The following NTNG1 variants were observed in gnomAD, a reference collection of about 807,000 sequenced individuals.
The protein encoded by NTNG1 is netrin G1.
Under a neutral mutation model 54.0 loss-of-function variants are expected in NTNG1, and 16 were observed. The observed-to-expected ratio is 0.30, with a 90% CI of 0.20 to 0.45. The LOEUF (loss-of-function observed/expected upper bound fraction) is 0.45. NTNG1 is among the 20% of genes least tolerant of loss of function. The pLI, the probability that NTNG1 is intolerant of heterozygous loss-of-function variation, is 1.00. For synonymous variants in NTNG1, 255 were observed against 263.1 expected (o/e 0.97, Z 0.30); for missense variants, 530 against 678.7 (o/e 0.78, Z 2.43).
At chr1:107,377,823 T>TA (rs1570805546) in intron 3 of NTNG1, among the ~76,000 whole-genome samples, 1 of 152,368 alleles carries the variant, frequency 6.6e-6, no homozygotes, top group East Asian at 1.9e-4. Context: ...CTTACGTCAC[T>TA]AACCAGAAAG....
chr1:107,373,112 A>T (rs1671026803), intron 3 of NTNG1, among the ~76,000 whole-genome samples: 1 of 152,040 alleles, frequency 6.6e-6, no homozygotes, highest in African/African-American at 2.4e-5. Flanking sequence ...CTTAAAGGTA[A>T]TATCTTGCTA....
chr1:107,326,779 T>A (rs997937140), intron 3 of NTNG1, among the ~76,000 whole-genome samples: 1 of 151,382 alleles, frequency 6.6e-6, no homozygotes, highest in Non-Finnish European at 1.5e-5. Context: ...TTCTGAAGCA[T>A]TTTGGTTGGG....
intron 3 of NTNG1, among the ~76,000 whole-genome samples, chr1:107,389,693 T>C (rs559475248): frequency 3.3e-5 from 5 of 152,308 alleles, no homozygotes; most frequent in East Asian, 3.9e-4. Context: ...TGCACACAAG[T>C]AGATGTTCAA....
intron 2 of NTNG1, among the ~76,000 whole-genome samples, chr1:107,266,018 A>T (rs963711899): frequency 5.9e-5 from 9 of 152,098 alleles, no homozygotes; most frequent in Non-Finnish European, 1.0e-4. Context: ...CTTTCTTTGC[A>T]TTTTTTGGGC....
At chr1:107,372,231 G>A (rs1346470303) in intron 3 of NTNG1, among the ~76,000 whole-genome samples, 1 of 151,724 alleles carries the variant, frequency 6.6e-6, no homozygotes, top group African/African-American at 2.4e-5. Context: ...TTCTTAATAT[G>A]CTTTTCGTTT....
At chr1:107,169,852 T>C (rs1229281455) in intron 2 of NTNG1, among the ~76,000 whole-genome samples, 1 of 152,168 alleles carries the variant, frequency 6.6e-6, no homozygotes, top group African/African-American at 2.4e-5. Flanking sequence ...TTTATGCTAT[T>C]GTGGAGGCTG....
chr1:107,408,147 C>G (rs528035783), intron 5 of NTNG1: 3 of 253,342 alleles, frequency 1.2e-5, no homozygotes, highest in Admixed American at 5.1e-5. Context: ...CATCAGAACC[C>G]AAGAAAAAGT....
At chr1:107,275,541 C>T (rs1043702276) in intron 2 of NTNG1, among the ~76,000 whole-genome samples, 7 of 152,162 alleles carry the variant, frequency 4.6e-5, no homozygotes, top group African/African-American at 1.4e-4. Context: ...AGCTGAGAAC[C>T]AGGAGAGCTG....
intron 2 of NTNG1, among the ~76,000 whole-genome samples, chr1:107,175,213 G>A (rs193049285): frequency 3.7e-4 from 57 of 152,228 alleles, no homozygotes; most frequent in Middle Eastern, 6.8e-3. Context: ...AGTGCAATCA[G>A]AATGTGAGGG....
intron 2 of NTNG1, among the ~76,000 whole-genome samples, chr1:107,189,749 C>T (rs1362815824): frequency 6.6e-6 from 1 of 150,726 alleles, no homozygotes; most frequent in Non-Finnish European, 1.5e-5. Flanking sequence ...CTAAACACAT[C>T]TAAAAACAGA....
rs538346729 is a variant in NTNG1 at position 107,454,513 on chromosome 1, G to T, written c.1390+17714G>T. Among the ~76,000 whole-genome samples, 62 of 151,890 alleles carry T rather than the reference G, an allele frequency of 4.1e-4. 1 individual carries two copies. In the South Asian group the frequency reaches 0.012, roughly 30 times the overall value. On this transcript the variant is annotated intron_variant, in intron 7 of 7. Transcript: ENST00000370068. ...CTTTCATTCCAAGGATGCAAATGAT[G>T]CAATTCAAGCCAAATATCCTGTGTC...
At chr1:107,327,893 G>A (rs1668058489) in intron 3 of NTNG1, among the ~76,000 whole-genome samples, 1 of 152,012 alleles carries the variant, frequency 6.6e-6, no homozygotes, top group Non-Finnish European at 1.5e-5. Flanking sequence ...CCGTTTCTTT[G>A]TGCATATGTT....
intron 2 of NTNG1, among the ~76,000 whole-genome samples, chr1:107,194,424 T>C (rs1280893655): frequency 1.3e-5 from 2 of 152,042 alleles, no homozygotes; most frequent in African/African-American, 2.4e-5. Context: ...TCTCCTCTTT[T>C]CTCCTAAAAT....
At chr1:107,444,307 G>A (rs971884188) in intron 7 of NTNG1, among the ~76,000 whole-genome samples, 2 of 152,108 alleles carry the variant, frequency 1.3e-5, no homozygotes, top group Non-Finnish European at 1.5e-5. Flanking sequence ...CTTATGCTGT[G>A]GAAAGGACTT....
intron 3 of NTNG1, among the ~76,000 whole-genome samples, chr1:107,375,424 G>A (rs1021247076): frequency 7.2e-5 from 11 of 152,156 alleles, no homozygotes; most frequent in African/African-American, 2.7e-4. Flanking sequence ...GTTGTTTCAG[G>A]TGGGAGGTTA....
intron 3 of NTNG1, among the ~76,000 whole-genome samples, chr1:107,349,210 A>C (rs922572522): frequency 2.0e-5 from 3 of 152,198 alleles, no homozygotes; most frequent in Non-Finnish European, 4.4e-5. Flanking sequence ...CGCATTAATC[A>C]GATATCATAC....
chr1:107,366,538 G>T (rs1181930103), intron 3 of NTNG1, among the ~76,000 whole-genome samples: 1 of 152,210 alleles, frequency 6.6e-6, no homozygotes, highest in African/African-American at 2.4e-5. Flanking sequence ...ATGCCAGCAT[G>T]TTGGGTTATA....
At chr1:107,214,942 G>A (rs527423273) in intron 2 of NTNG1, among the ~76,000 whole-genome samples, 1 of 151,798 alleles carries the variant, frequency 6.6e-6, no homozygotes, top group South Asian at 2.1e-4. Context: ...TTTGATAATT[G>A]TCTATTTTGT....
chr1:107,325,924 T>C (rs1667926586), intron 3 of NTNG1, among the ~76,000 whole-genome samples: 1 of 152,118 alleles, frequency 6.6e-6, no homozygotes, highest in African/African-American at 2.4e-5. Context: ...TATTTAATGA[T>C]AAAATTCAAA....
Sources: allele counts gnomAD v4.1 joint callset (sites outside exome capture counted in the v4.1 genomes callset), GRCh38; gene constraint gnomAD v4.1.1; transcripts MANE v1.5; gene names NCBI Gene and HGNC (gene_info 2026-07-23, HGNC 2026-07-21).